Variants in FAM216B observed in about 807,000 individuals in gnomAD.
FAM216B encodes the protein family with sequence similarity 216 member B.
FAM216B carries 11 observed loss-of-function variants against 12.9 expected under a neutral mutation model. The observed-to-expected ratio is 0.86, with a 90% confidence interval of 0.54 to 1.42. The LOEUF is 1.42. FAM216B is among the 40% of genes most tolerant of loss of function. The pLI is 0.00. For synonymous variants in FAM216B, 52 were observed against 57.2 expected (o/e 0.91, Z 0.41); for missense variants, 167 against 162.9 (o/e 1.02, Z -0.14).
intron 3 of FAM216B, 54 bp downstream of exon 3, chr13:42,786,937 T>C (rs1454460755): frequency 1.5e-5 from 24 of 1,599,874 alleles, no homozygotes; most frequent in Non-Finnish European, 2.0e-5. Flanking sequence ...ACTCGTGCTG[T>C]AGCCAGAAGT....
At position 42,783,029 on chromosome 13, in the gene FAM216B, G is replaced by A. The variant is rs115258467; in HGVS notation, c.-14-1025G>A. 2.0e-3 allele frequency among the ~76,000 whole-genome samples: 297 copies of A among 152,246 alleles called. 3 individuals are homozygous for A. The highest frequency in any genetic ancestry group is 5.1e-3 in the African/African-American group (212 of 41,546). Reference sequence around the variant, plus strand: ...AATAAATAAATAAAAGGAAAGTGAAGCTCAGCATGGTGCCTCATACCTGTA... The same window carrying A: ...AATAAATAAATAAAAGGAAAGTGAAACTCAGCATGGTGCCTCATACCTGTA... On this transcript the variant is annotated intron_variant, in intron 1 of 3. Transcript: ENST00000313851.
chr13:42,786,328 T>C (rs572399801), intron 2 of FAM216B, among the ~76,000 whole-genome samples: 2 of 143,002 alleles, frequency 1.4e-5, no homozygotes, highest in Admixed American at 7.1e-5. Context: ...ACTAATGATA[T>C]AATGAACCCT....
At chr13:42,786,995 A>G in intron 3 of FAM216B, 112 bp downstream of exon 3, 1 of 1,492,036 alleles carries the variant, frequency 6.7e-7, no homozygotes, top group Non-Finnish European at 9.0e-7. Context: ...CTGGCGTGCT[A>G]TTTTATCAAC....
intron 3 of FAM216B, among the ~76,000 whole-genome samples, chr13:42,787,523 A>G (rs1310685064): frequency 2.6e-5 from 4 of 152,222 alleles, no homozygotes; most frequent in Non-Finnish European, 5.9e-5. Context: ...AAATGAAATA[A>G]TGGTTGTGAA....
rs1055559818 is a variant in FAM216B, at chr13:42,790,205, G to T, written c.*1415G>T. 6.6e-6 allele frequency: 1 copy of T among 152,160 alleles called. No homozygotes were observed. The highest frequency in any genetic ancestry group is 1.5e-5 in the Non-Finnish European group (1 of 68,032). The allele number at this position is 152,160 out of a possible 1,614,324, so 9.4% of individuals were successfully genotyped here. A position where few individuals can be genotyped will look rare whatever the true frequency, so the allele number is the denominator to read the frequency against. ...CCAGTGGGACTGGGATGAGCTGCGT[G>T]GTAGCCCTCATAAAGCAGAGAGGTT... On this transcript the variant is annotated 3_prime_UTR_variant, in exon 4 of 4. Coordinates refer to ENST00000313851, the MANE Select transcript of FAM216B (RefSeq NM_001318932.2).
intron 1 of FAM216B, among the ~76,000 whole-genome samples, chr13:42,783,063 A>G (rs939328036): frequency 6.6e-6 from 1 of 152,198 alleles, no homozygotes; most frequent in Non-Finnish European, 1.5e-5. Flanking sequence ...TAATCCCAGC[A>G]CTTTGGGAGC....
At position 42,782,938 on chromosome 13, in the gene FAM216B, T is replaced by C. The variant is rs181453730; in HGVS notation, c.-14-1116T>C. Among the ~76,000 whole-genome samples, 289 of 152,132 alleles carry C rather than the reference T, an allele frequency of 1.9e-3. 1 individual carries two copies. Among genetic ancestry groups the C allele is most frequent in the Middle Eastern group, 0.017 (5 of 294 alleles). On this transcript the variant is annotated intron_variant, in intron 1 of 3. Transcript: ENST00000313851. The stretch of plus-strand genomic sequence containing the variant: ...AGGAATATTTAATGATCTGAGAAAG[T>C]GCACAAAATGTATAAATTATGATCT...
At chr13:42,784,237 A>G in intron 2 of FAM216B, 71 bp downstream of exon 2, 1 of 1,050,092 alleles carries the variant, frequency 9.5e-7, no homozygotes, top group Non-Finnish European at 1.3e-6. Flanking sequence ...AGGTTTGAGG[A>G]CTTTTTCTGC....
At chr13:42,782,682 GTTAAAT>G (rs955322329) in intron 1 of FAM216B, among the ~76,000 whole-genome samples, 5 of 152,136 alleles carry the variant, frequency 3.3e-5, no homozygotes, top group African/African-American at 1.2e-4. Context: ...TTGCTGGATT[GTTAAAT>G]TCATATTATT....
intron 3 of FAM216B, among the ~76,000 whole-genome samples, chr13:42,788,294 A>C (rs1874167391): frequency 6.6e-6 from 1 of 152,216 alleles, no homozygotes; most frequent in Non-Finnish European, 1.5e-5. Flanking sequence ...ACACTGAGAG[A>C]GATCAAATAT....
chr13:42,785,849 G>A (rs1193689241), intron 2 of FAM216B, among the ~76,000 whole-genome samples: 1 of 151,962 alleles, frequency 6.6e-6, no homozygotes, highest in Non-Finnish European at 1.5e-5. Context: ...GAAAGGCGTG[G>A]GAAGCTGTCC....
intron 1 of FAM216B, among the ~76,000 whole-genome samples, chr13:42,783,552 G>A (rs1454280117): frequency 6.6e-6 from 1 of 151,818 alleles, no homozygotes; most frequent in Non-Finnish European, 1.5e-5. Flanking sequence ...AGCATCTTGT[G>A]GGCACTAAAA....
At chr13:42,782,777 ATCTTT>A (rs1873909749) in intron 1 of FAM216B, among the ~76,000 whole-genome samples, 8 of 152,224 alleles carry the variant, frequency 5.3e-5, no homozygotes, top group Admixed American at 5.2e-4. Flanking sequence ...ATTATTCTGT[ATCTTT>A]CTCAGGCAAG....
At position 42,784,173 on chromosome 13, in the gene FAM216B, C is replaced by CTTTTTTTTTTTT. The variant is rs71202236; in HGVS notation, c.99+16_99+27dup. On this transcript the variant is annotated splice_region_variant and intron_variant, in intron 2 of 3. Transcript: ENST00000313851. ...TGACACTTCCTTACTAAAGGTATGG[C>CTTTTTTTTTTTT]TTTTTTTTTTTTTTTTTTTTCACAG... 9.3e-6 allele frequency: 7 copies of CTTTTTTTTTTTT among 752,774 alleles called. No individual in the cohort carries two copies. The highest frequency in any genetic ancestry group is 5.6e-5 in the South Asian group (2 of 35,784). 46.6% of individuals were successfully genotyped at this position (752,774 alleles called of 1,614,324 possible).
Position 42,788,645 on chromosome 13 carries a change from C to T in FAM216B, c.275C>T (p.Thr92Ile). 2 of 1,613,892 alleles carry T rather than the reference C, an allele frequency of 1.2e-6. No individual in the cohort carries two copies. Among genetic ancestry groups the T allele is most frequent in the South Asian group, 1.1e-5 (1 of 91,068 alleles). The change falls in exon 4 of 4, where the codon ACC becomes ATC. Residue 92 changes from threonine to isoleucine, a missense_variant. Transcript: ENST00000313851. The part of the protein sequence containing the change: ...LSYALVLRDS[T>I]KRASAKVAPQ... ...TATGCTCTTGTACTTAGAGATTCAA[C>T]CAAGAGAGCCTCAGCCAAGGTAGCT...
chr13:42,786,651 T>A (rs1287787333), intron 2 of FAM216B, 112 bp from the exon 3 acceptor site: 72 of 1,171,962 alleles, frequency 6.1e-5, no homozygotes, highest in Admixed American at 1.4e-4. Flanking sequence ...AAAAAAAACA[T>A]ATGGTTAGCA....
chr13:42,786,373 A>G (rs1874086601), intron 2 of FAM216B, among the ~76,000 whole-genome samples: 1 of 152,176 alleles, frequency 6.6e-6, no homozygotes, highest in Non-Finnish European at 1.5e-5. Flanking sequence ...TCCCTTGCTT[A>G]CTGAGAACTT....
In FAM216B at chr13:42,791,415, A is replaced by G. The variant is rs1349663317; in HGVS notation, c.*2625A>G. ...TTAAATGATGGATTTGAAATAAACAATGATTATACCATGATTGTAAAGACA... is the reference window on the plus strand; with the variant it reads ...TTAAATGATGGATTTGAAATAAACAGTGATTATACCATGATTGTAAAGACA... On this transcript the variant is annotated 3_prime_UTR_variant, in exon 4 of 4. Transcript: ENST00000313851. 1.3e-5 allele frequency: 2 copies of G among 152,208 alleles called. No individual in the cohort carries two copies. Among genetic ancestry groups the G allele is most frequent in the Non-Finnish European group, 2.9e-5 (2 of 68,036 alleles). 9.4% of individuals were successfully genotyped at this position (152,208 alleles called of 1,614,324 possible).
rs537792433 is a variant in FAM216B, at chr13:42,789,587, A to T, written c.*797A>T. ...GTGAGTCAGTTCATCATACAAAGGC[A>T]TAGTATTGCATTAGTTATATTTAAT... On this transcript the variant is annotated 3_prime_UTR_variant, in exon 4 of 4. Transcript: ENST00000313851. 1.3e-5 allele frequency: 2 copies of T among 152,264 alleles called. No individual in the cohort carries two copies. The highest frequency in any genetic ancestry group is 4.2e-4 in the South Asian group (2 of 4,816). 9.4% of individuals were successfully genotyped at this position (152,264 alleles called of 1,614,324 possible). A position where few individuals can be genotyped will look rare whatever the true frequency, so the allele number is the denominator to read the frequency against.
Sources: gnomAD v4.1 joint callset for allele counts (sites outside exome capture counted in the v4.1 genomes callset) on GRCh38, gnomAD v4.1.1 for gene constraint, MANE v1.5 for transcripts, NCBI Gene and HGNC (gene_info 2026-07-23, HGNC 2026-07-21) for gene names.